ABHD1: variants seen among roughly 807,000 people sequenced by gnomAD.
ABHD1 encodes protein ABHD1.
In ABHD1, 47 loss-of-function variants were observed where a neutral mutation model predicts 41.4. The observed-to-expected ratio is 1.13, with a 90% CI of 0.90 to 1.45. The LOEUF (loss-of-function observed/expected upper bound fraction) is 1.45, where lower values mean the gene tolerates loss of function less well. Ranked by LOEUF, ABHD1 falls within the 40% of genes most tolerant of loss-of-function variation. The probability of loss-of-function intolerance (pLI) is 0.00; values close to 1 mark genes in which losing one functional copy is unlikely to be tolerated. For synonymous variants in ABHD1, 205 were observed against 203.7 expected (o/e 1.01, Z -0.05); for missense variants, 550 against 503.4 (o/e 1.09, Z -0.89).
Position 27,129,562 on chromosome 2 carries a change from G to T in ABHD1, c.553G>T (p.Val185Leu). ...ASNTEDLETVVNHIKHRYPQA... is the reference protein window; with the variant it reads ...ASNTEDLETVLNHIKHRYPQA... Reference sequence around the variant, plus strand: ...CAATACTGAAGATCTAGAGACAGTCGTGAACCACATAAAGCATCGTTATCC... The same window carrying T: ...CAATACTGAAGATCTAGAGACAGTCTTGAACCACATAAAGCATCGTTATCC... Residue 185 changes from valine to leucine, a missense_variant, in exon 5 of 9, where the codon GTG becomes TTG. By Grantham distance (32) the Val-to-Leu change is conservative. Coordinates refer to ENST00000316470, the MANE Select transcript of ABHD1 (RefSeq NM_032604.4). The T allele has an allele frequency of 6.2e-7, 1 of 1,614,030 alleles. No individual in the cohort carries two copies. The highest frequency in any genetic ancestry group is 1.1e-5 in the South Asian group (1 of 91,080).
At chr2:27,130,467 G>A (rs772513776) in intron 8 of ABHD1, 51 bp downstream of exon 8, 3 of 1,612,104 alleles carry the variant, frequency 1.9e-6, no homozygotes, top group East Asian at 2.2e-5. Context: ...TGGGCCATGA[G>A]GGACGCAACA....
chr2:27,130,499 AG>A (rs1351279634), intron 8 of ABHD1, 33 bp from the exon 9 acceptor site: 3 of 1,611,642 alleles, frequency 1.9e-6, no homozygotes, highest in Admixed American at 3.3e-5. Flanking sequence ...CTCCCAGTGA[AG>A]GCCAGTGTTT....
Position 27,130,163 on chromosome 2 carries a change from T to A in ABHD1, c.840+10T>A, listed in dbSNP as rs142570263. The A allele has an allele frequency of 9.9e-6, 16 of 1,614,168 alleles. No homozygotes were observed. The African/African-American group carries it at 2.0e-4, about 20-fold the overall frequency. On this transcript the variant is annotated intron_variant, in intron 7 of 8. Transcript: ENST00000316470. ...AGACTTTGTACTACAGGTATAATAT[T>A]CAGCCATGCCCCTGGTTCCCCCAAA...
In ABHD1 at chr2:27,130,252, C is replaced by A. The variant is rs201314697; in HGVS notation, c.842C>A (p.Ala281Asp). The part of the protein sequence containing the change: ...KVVDIDFVLQ[A>D]RTIRQFDERY... ...CCTATCCTATGGTAAGACCTGCAGG[C>A]CCGTACAATCCGCCAGTTTGATGAG... Residue 281 changes from alanine (A) to aspartate (D), a missense_variant and splice_region_variant, in exon 8 of 9, where the codon GCC becomes GAC. Ala to Asp is a moderately radical substitution (Grantham distance 126). Transcript: ENST00000316470. The A allele has an allele frequency of 6.2e-7, 1 of 1,614,078 alleles. No homozygotes were observed. The highest frequency in any genetic ancestry group is 1.3e-5 in the African/African-American group (1 of 75,022).
rs375982115 is a variant in ABHD1, at chr2:27,130,156, A to C, written c.840+3A>C. ...TGGACATAGACTTTGTACTACAGGTATAATATTCAGCCATGCCCCTGGTTC... is the reference window on the plus strand; with the variant it reads ...TGGACATAGACTTTGTACTACAGGTCTAATATTCAGCCATGCCCCTGGTTC... On this transcript the variant is annotated splice_donor_region_variant and intron_variant, in intron 7 of 8. Coordinates refer to ENST00000316470, the MANE Select transcript of ABHD1 (RefSeq NM_032604.4). 1 of 1,614,188 alleles carries C rather than the reference A, an allele frequency of 6.2e-7. No individual in the cohort carries two copies. The highest frequency in any genetic ancestry group is 1.7e-5 in the Admixed American group (1 of 60,020).
intron 3 of ABHD1, 44 bp downstream of exon 3, chr2:27,129,171 G>C: frequency 6.3e-7 from 1 of 1,597,932 alleles, no homozygotes; most frequent in Non-Finnish European, 8.6e-7. Flanking sequence ...ATCTGAGAAC[G>C]TGTATTAGGG....
intron 7 of ABHD1, 34 bp downstream of exon 7, chr2:27,130,187 A>C: frequency 1.2e-6 from 2 of 1,614,166 alleles, no homozygotes; most frequent in South Asian, 1.1e-5. Context: ...GGTTCCCCCA[A>C]ATGAGTCTTC....
At position 27,130,244 on chromosome 2, in the gene ABHD1, C is replaced by G. The variant is rs1466028463; in HGVS notation, c.841-7C>G. ...CATCTTAGCCTATCCTATGGTAAGA[C>G]CTGCAGGCCCGTACAATCCGCCAGT... On this transcript the variant is annotated splice_polypyrimidine_tract_variant and splice_region_variant and intron_variant, in intron 7 of 8. Transcript: ENST00000316470. The G allele has an allele frequency of 6.2e-7, 1 of 1,614,052 alleles. No homozygotes were observed. The highest frequency in any genetic ancestry group is 8.5e-7 in the Non-Finnish European group (1 of 1,180,034).
rs1438537627 is a variant in ABHD1, at chr2:27,128,621, G to C, written c.275+20G>C. ...TCAGAGGTAAGAAGGGACAGAACAGGGTGAACATGAAACCCCAGGTATCTA... is the reference window on the plus strand; with the variant it reads ...TCAGAGGTAAGAAGGGACAGAACAGCGTGAACATGAAACCCCAGGTATCTA... On this transcript the variant is annotated intron_variant, in intron 2 of 8. Transcript: ENST00000316470. 6.2e-7 allele frequency: 1 copy of C among 1,609,676 alleles called. No individual in the cohort carries two copies. The highest frequency in any genetic ancestry group is 8.5e-7 in the Non-Finnish European group (1 of 1,176,392).
chr2:27,125,463 G>C (rs1671921644), intron 1 of ABHD1: 1 of 152,188 alleles, frequency 6.6e-6, no homozygotes, highest in South Asian at 2.1e-4. Flanking sequence ...GTGCCATATT[G>C]TAATACTAAT....
chr2:27,124,802 C>G (rs895285514), intron 1 of ABHD1: 3 of 156,570 alleles, frequency 1.9e-5, no homozygotes, highest in African/African-American at 7.2e-5. Flanking sequence ...CTAGACTTTT[C>G]CATATTTTCA....
At chr2:27,129,200 TGATA>T (rs1043194909) in intron 3 of ABHD1, 73 bp downstream of exon 3, 36 of 1,591,920 alleles carry the variant, frequency 2.3e-5, no homozygotes, top group Non-Finnish European at 2.7e-5. Context: ...ATCCGGACAC[TGATA>T]GATAAGAAGA....
At position 27,129,397 on chromosome 2, in the gene ABHD1, C is replaced by T. The variant is rs373127778; in HGVS notation, c.504+36C>T. 6 of 1,613,622 alleles carry T rather than the reference C, an allele frequency of 3.7e-6. No individual in the cohort carries two copies. The African/African-American group carries it at 6.7e-5, about 18-fold the overall frequency. ...GCCTTCCTCATAGCAGCCCTTCACC[C>T]ACTCCCTTTAGAGATCCTTGGCCCT... On this transcript the variant is annotated intron_variant, in intron 4 of 8. Coordinates refer to ENST00000316470, the MANE Select transcript of ABHD1 (RefSeq NM_032604.4).
intron 2 of ABHD1, 117 bp downstream of exon 2, chr2:27,128,718 A>G (rs1210024514): frequency 2.1e-6 from 3 of 1,396,842 alleles, no homozygotes; most frequent in African/African-American, 2.9e-5. Flanking sequence ...TGAGGGTTCA[A>G]TGACAATGGA....
chr2:27,130,710 G>A lies in ABHD1; in HGVS notation c.1184G>A (p.Arg395Lys), dbSNP rs760540091. 22 of 1,614,072 alleles carry A rather than the reference G, an allele frequency of 1.4e-5. No homozygotes were observed. The highest frequency in any genetic ancestry group is 4.4e-5 in the South Asian group (4 of 91,090). Residue 395 changes from arginine to lysine, a missense_variant, in exon 9 of 9, where the codon AGG becomes AAG. Physicochemically the swap from Arg to Lys is conservative, Grantham distance 26. Coordinates refer to ENST00000316470, the MANE Select transcript of ABHD1 (RefSeq NM_032604.4). Reference protein sequence around the residue: ...FQDPEGLPDLRALLPSEDRNS With the variant: ...FQDPEGLPDLKALLPSEDRNS ...GACCCAGAGGGGCTGCCTGACCTCAGGGCTCTCTTACCTTCTGAGGACAGA... is the reference window on the plus strand; with the variant it reads ...GACCCAGAGGGGCTGCCTGACCTCAAGGCTCTCTTACCTTCTGAGGACAGA...
Position 27,124,018 on chromosome 2 carries a change from G to GC in ABHD1, c.72dup (p.Val25ArgfsTer47). 6.2e-7 allele frequency: 1 copy of GC among 1,614,224 alleles called. No individual in the cohort carries two copies. The highest frequency in any genetic ancestry group is 1.7e-5 in the Admixed American group (1 of 60,030). On this transcript the variant is annotated frameshift_variant, in exon 1 of 9. Coordinates refer to ENST00000316470, the MANE Select transcript of ABHD1 (RefSeq NM_032604.4). LOFTEE classifies it high-confidence loss of function. ...CACCTTCTCTCTGCTCTTGGCTCTT[G>GC]CCGTTGCCCTCTACTTGGGCTACTA...
intron 1 of ABHD1, chr2:27,125,104 T>TC (rs199711659): frequency 6.7e-6 from 1 of 149,192 alleles, no homozygotes; most frequent in East Asian, 2.0e-4. Context: ...GCCATTGCAC[T>TC]CCAGCCTGAG....
Position 27,129,864 on chromosome 2 carries a change from C to A in ABHD1, c.728C>A (p.Thr243Asn). 6.2e-7 allele frequency: 1 copy of A among 1,614,126 alleles called. No homozygotes were observed. Residue 243 changes from threonine (T) to asparagine (N), a missense_variant, in exon 6 of 9, where the codon ACC becomes AAC. Thr to Asn is a moderately conservative substitution (Grantham distance 65). Coordinates refer to ENST00000316470, the MANE Select transcript of ABHD1 (RefSeq NM_032604.4). ...TTTGAGACCACTCGCTCCCTGGAAACCCCACTCAACTCACTGCTCTTCAAT... is the reference window on the plus strand; with the variant it reads ...TTTGAGACCACTCGCTCCCTGGAAAACCCACTCAACTCACTGCTCTTCAAT... ...DSFETTRSLE[T>N]PLNSLLFNQP...
At chr2:27,124,500 T>C (rs1420558228) in intron 1 of ABHD1, 1 of 355,074 alleles carries the variant, frequency 2.8e-6, no homozygotes, top group Non-Finnish European at 5.5e-6. Context: ...CTGGCTGAGG[T>C]CAGAACTGGC....
Sources: allele counts gnomAD v4.1 joint callset, GRCh38; gene constraint gnomAD v4.1.1; transcripts MANE v1.5; gene names NCBI Gene and HGNC (gene_info 2026-07-23, HGNC 2026-07-21).